The following DOCK4 variants were observed in gnomAD, a reference collection of about 807,000 sequenced individuals.
The protein encoded by DOCK4 is dedicator of cytokinesis 4.
Under a neutral mutation model 268.1 loss-of-function variants are expected in DOCK4, and 97 were observed. That is an observed-to-expected ratio of 0.36 (90% CI 0.31 to 0.43). The LOEUF is 0.43. Among genes scored for constraint, DOCK4 ranks in the 20% least tolerant of loss-of-function variants. The pLI, the probability that DOCK4 is intolerant of heterozygous loss-of-function variation, is 1.00. For synonymous variants in DOCK4, 954 were observed against 887.2 expected (o/e 1.08, Z -1.34); for missense variants, 2,145 against 2,455.7 (o/e 0.87, Z 2.67).
In DOCK4 at chr7:111,881,752, AG is replaced by A. The variant is rs200390060; in HGVS notation, c.1588-4567del. ...GTGGAGTACTATTCAGCCATAAAAA[AG>A]AATGAGATCCTGTCATTTGCAACAA... is the stretch of plus-strand genomic sequence containing the variant. On this transcript the variant is annotated intron_variant, in intron 16 of 52. Transcript: ENST00000428084. 3.9e-3 allele frequency among the ~76,000 whole-genome samples: 597 copies of A among 152,342 alleles called. 2 individuals are homozygous for A. Among genetic ancestry groups the A allele is most frequent in the East Asian group, 0.02 (105 of 5,184 alleles).
At chr7:111,777,998 C>G (rs1798557102) in intron 36 of DOCK4, among the ~76,000 whole-genome samples, 1 of 152,086 alleles carries the variant, frequency 6.6e-6, no homozygotes. Flanking sequence ...TGGTAAAATC[C>G]TAACTATAAG....
In DOCK4 at chr7:111,735,058, C is replaced by T; in HGVS notation, c.5415G>A (p.Gln1805=). The change falls in exon 51 of 53, where the codon CAG becomes CAA. Residue 1805 remains glutamine, a synonymous_variant. Coordinates refer to ENST00000428084, the MANE Select transcript of DOCK4 (RefSeq NM_001363540.2). ...TCAAATTCTTCAAATACCCACCAGT[C>T]TGTGTGGGTCTTGGAGGGACAGGGG... ...ISPPVPPRPT[Q]TASPARHTTS... is the part of the protein sequence containing the mutation. 1.3e-6 allele frequency: 2 copies of T among 1,576,482 alleles called. No individual in the cohort carries two copies. Among genetic ancestry groups the T allele is most frequent in the Non-Finnish European group, 1.7e-6 (2 of 1,156,292 alleles).
chr7:111,816,831 G>A (rs1165717030), intron 27 of DOCK4, among the ~76,000 whole-genome samples: 1 of 152,102 alleles, frequency 6.6e-6, no homozygotes, highest in Admixed American at 6.5e-5. Flanking sequence ...TTTATTTTTA[G>A]CTATTTTGAA....
intron 7 of DOCK4, among the ~76,000 whole-genome samples, chr7:111,978,036 G>A (rs1270278683): frequency 6.6e-6 from 1 of 152,128 alleles, no homozygotes; most frequent in Non-Finnish European, 1.5e-5. Flanking sequence ...GGATAACATG[G>A]GGATGATCAT....
intron 2 of DOCK4, among the ~76,000 whole-genome samples, chr7:112,003,491 A>C (rs1800607558): frequency 1.3e-5 from 2 of 152,228 alleles, no homozygotes; most frequent in South Asian, 4.1e-4. Context: ...ACATTTGAGA[A>C]CCATTAGCTA....
At chr7:111,807,699 C>T (rs1800782710) in intron 30 of DOCK4, 1 of 152,194 alleles carries the variant, frequency 6.6e-6, no homozygotes. Flanking sequence ...TAGTCTCAAA[C>T]TCCTGACCTC....
At chr7:111,767,170 T>G (rs2133651433) in intron 37 of DOCK4, 52 bp from the exon 38 acceptor site, 1 of 1,497,594 alleles carries the variant, frequency 6.7e-7, no homozygotes, top group South Asian at 1.1e-5. Flanking sequence ...ATCCACTTAC[T>G]TCTACCCAAA....
At chr7:112,077,186 G>C (rs1183158569) in intron 1 of DOCK4, among the ~76,000 whole-genome samples, 1 of 152,008 alleles carries the variant, frequency 6.6e-6, no homozygotes. Flanking sequence ...TAACCTTTTG[G>C]ATAAATCTTT....
rs576685262 is a variant in DOCK4, at chr7:111,997,772, TC to T, written c.218+675del. On this transcript the variant is annotated intron_variant, in intron 4 of 52. Coordinates refer to ENST00000428084, the MANE Select transcript of DOCK4 (RefSeq NM_001363540.2). ...CTGACACCAAATGTTTGTGTCTAAA[TC>T]CATGGCCCCTTATGATGAATGATCT... Among the ~76,000 whole-genome samples the T allele has an allele frequency of 1.8e-3, 277 of 152,320 alleles. 4 individuals carry two copies. Among genetic ancestry groups the T allele is most frequent in the African/African-American group, 6.4e-3 (268 of 41,578 alleles).
At chr7:111,791,099 T>TATATATATATATATATAA (rs1289561664) in intron 30 of DOCK4, among the ~76,000 whole-genome samples, 1 of 137,468 alleles carries the variant, frequency 7.3e-6, no homozygotes, top group Non-Finnish European at 1.5e-5. Flanking sequence ...TATATATATA[T>TATATATATATATATATAA]AAAATAAATC....
At chr7:112,083,557 TAAATA>T (rs750580346) in intron 1 of DOCK4, among the ~76,000 whole-genome samples, 54 of 151,780 alleles carry the variant, frequency 3.6e-4, no homozygotes, top group Non-Finnish European at 1.5e-4. Context: ...ATGATTAAGG[TAAATA>T]AAATAAAATA....
At position 112,136,803 on chromosome 7, in the gene DOCK4, A is replaced by AAG. The variant is rs571039999; in HGVS notation, c.37+69297_37+69298dup. 2.0e-3 allele frequency among the ~76,000 whole-genome samples: 302 copies of AAG among 152,014 alleles called. 1 individual carries two copies. The highest frequency in any genetic ancestry group is 6.7e-3 in the African/African-American group (276 of 41,476). ...ACTGATGGATAATTTGAAAAATGAAAAGAGAGAGAGAGAGGGCTGACATTT... is the reference window on the plus strand; with the variant it reads ...ACTGATGGATAATTTGAAAAATGAAAAGAGAGAGAGAGAGAGGGCTGACATTT... On this transcript the variant is annotated intron_variant, in intron 1 of 52. Transcript: ENST00000428084.
intron 26 of DOCK4, among the ~76,000 whole-genome samples, chr7:111,824,499 C>T (rs1802247377): frequency 6.6e-6 from 1 of 152,032 alleles, no homozygotes; most frequent in African/African-American, 2.4e-5. Context: ...GAAGTTTTAT[C>T]TTCTCGCCTC....
At chr7:111,888,596 G>A (rs1188188000) in intron 16 of DOCK4, among the ~76,000 whole-genome samples, 2 of 152,022 alleles carry the variant, frequency 1.3e-5, no homozygotes, top group Non-Finnish European at 2.9e-5. Context: ...GCAAATGGAG[G>A]TAGCTAGAGT....
In DOCK4 at chr7:111,765,146, T is replaced by A. The variant is rs1486181019; in HGVS notation, c.3992A>T (p.Tyr1331Phe). The change falls in exon 39 of 53, where the codon TAT becomes TTT. Residue 1331 changes from tyrosine to phenylalanine, a missense_variant. By Grantham distance (22) the Tyr-to-Phe change is conservative. Coordinates refer to ENST00000428084, the MANE Select transcript of DOCK4 (RefSeq NM_001363540.2). ...TAAGAAAAATGGAAATTTTTTTCCA[T>A]AAAATCCAACTCTGAAGAACTCTGG... ...LEPEFFRVGF[Y>F]GKKFPFFLRN... 3 of 1,537,194 alleles carry A rather than the reference T, an allele frequency of 2.0e-6. No individual in the cohort carries two copies. The highest frequency in any genetic ancestry group is 2.6e-6 in the Non-Finnish European group (3 of 1,144,974).
chr7:111,770,023 G>C (rs1345967137), intron 36 of DOCK4, among the ~76,000 whole-genome samples: 1 of 152,054 alleles, frequency 6.6e-6, no homozygotes, highest in African/African-American at 2.4e-5. Flanking sequence ...GGGGAGACAG[G>C]CCTTTGTTTG....
At chr7:111,929,708 A>G (rs150423003) in intron 12 of DOCK4, among the ~76,000 whole-genome samples, 45 of 152,334 alleles carry the variant, frequency 3.0e-4, no homozygotes, top group African/African-American at 1.0e-3. Context: ...TGCTCTCGCT[A>G]TATATTGTGG....
At chr7:111,896,668 T>C (rs969157090) in intron 15 of DOCK4, among the ~76,000 whole-genome samples, 16 of 152,034 alleles carry the variant, frequency 1.1e-4, no homozygotes, top group Non-Finnish European at 1.5e-5. Context: ...AAGTTCAACT[T>C]TGGGATGCAG....
At chr7:112,187,480 A>G (rs1355765905) in intron 1 of DOCK4, among the ~76,000 whole-genome samples, 1 of 152,198 alleles carries the variant, frequency 6.6e-6, no homozygotes, top group Non-Finnish European at 1.5e-5. Context: ...TGGAGAATAA[A>G]AATGAAGGAA....
Sources: gnomAD v4.1 joint callset for allele counts (sites outside exome capture counted in the v4.1 genomes callset) on GRCh38, gnomAD v4.1.1 for gene constraint, MANE v1.5 for transcripts, NCBI Gene and HGNC (gene_info 2026-07-23, HGNC 2026-07-21) for gene names.